FAM200C: variants seen among roughly 807,000 people sequenced by gnomAD.
the FAM200C span, among the ~76,000 whole-genome samples, chr5:160,396,999 G>T: frequency 2.6e-5 from 4 of 152,178 alleles, no homozygotes; most frequent in Non-Finnish European, 5.9e-5. Context: ...AATCTGTATT[G>T]TAAGTATTTT....
At chr5:160,394,737 T>C in the FAM200C span, 2 of 1,614,140 alleles carry the variant, frequency 1.2e-6, no homozygotes, top group Non-Finnish European at 1.7e-6. Context: ...AACTCGGAAT[T>C]TTCTCCTAGC....
At chr5:160,400,005 T>C in the FAM200C span, 2 of 152,226 alleles carry the variant, frequency 1.3e-5, no homozygotes, top group South Asian at 2.1e-4. Flanking sequence ...GAGAGAAGCA[T>C]CCGCAACAAC....
At chr5:160,394,652 A>G in the FAM200C span, 1 of 1,614,152 alleles carries the variant, frequency 6.2e-7, no homozygotes, top group South Asian at 1.1e-5. Context: ...CAATGTCTTT[A>G]TGACAAGTGC....
the FAM200C span, chr5:160,394,590 T>C: frequency 1.2e-6 from 2 of 1,614,190 alleles, no homozygotes; most frequent in Non-Finnish European, 1.7e-6. Flanking sequence ...CTCCCTTTGA[T>C]GAAATTTATT....
the FAM200C span, chr5:160,399,624 GA>G: frequency 1.3e-5 from 2 of 152,162 alleles, no homozygotes; most frequent in African/African-American, 4.8e-5. Flanking sequence ...CTCCAGAGGG[GA>G]TAACAGTACC....
chr5:160,399,772 G>C, the FAM200C span: 1 of 126,022 alleles, frequency 7.9e-6, no homozygotes, highest in Non-Finnish European at 1.7e-5. Context: ...AAGAACGCCA[G>C]CTGCTAGGAA....
the FAM200C span, chr5:160,394,648 C>T: frequency 6.2e-7 from 1 of 1,614,024 alleles, no homozygotes; most frequent in Non-Finnish European, 8.5e-7. Flanking sequence ...TAGGCAATGT[C>T]TTTATGACAA....
the FAM200C span, among the ~76,000 whole-genome samples, chr5:160,399,088 T>A: frequency 6.6e-6 from 1 of 152,210 alleles, no homozygotes; most frequent in African/African-American, 2.4e-5. Flanking sequence ...ATTACACCGT[T>A]CTATTTTAAT....
chr5:160,394,896 C>G, the FAM200C span: 279 of 1,612,676 alleles, frequency 1.7e-4, no homozygotes, highest in Non-Finnish European at 2.1e-4. Flanking sequence ...TCTACGATCT[C>G]TCTTTCTTTT....
At chr5:160,393,543 T>G in the FAM200C span, 1 of 631,698 alleles carries the variant, frequency 1.6e-6, no homozygotes. Flanking sequence ...TCTGCTGTGT[T>G]TTTATTCTCA....
chr5:160,395,214 GTAA>G, the FAM200C span: 1 of 1,613,738 alleles, frequency 6.2e-7, no homozygotes, highest in Non-Finnish European at 8.5e-7. Flanking sequence ...TACGATGCTT[GTAA>G]TAAAGTATCC....
the FAM200C span, chr5:160,393,625 T>TA: frequency 4.8e-6 from 5 of 1,051,756 alleles, no homozygotes; most frequent in Non-Finnish European, 6.9e-6. Flanking sequence ...CAGTATATCA[T>TA]AAATATGAAA....
At chr5:160,394,368 C>A in the FAM200C span, 1 of 1,613,652 alleles carries the variant, frequency 6.2e-7, no homozygotes, top group Admixed American at 1.7e-5. Flanking sequence ...GCAAGGTATG[C>A]TAGGTGAATT....
chr5:160,394,383 A>G, the FAM200C span: 4 of 1,613,508 alleles, frequency 2.5e-6, no homozygotes, highest in Non-Finnish European at 2.5e-6. Context: ...TGAATTTTAA[A>G]CTCTTTATTT....
chr5:160,396,277 G>A, the FAM200C span, among the ~76,000 whole-genome samples: 69 of 152,164 alleles, frequency 4.5e-4, no homozygotes, highest in African/African-American at 1.6e-3. Context: ...AGACTAAACA[G>A]GTCTGTAATA....
the FAM200C span, among the ~76,000 whole-genome samples, chr5:160,399,209 A>G: frequency 6.6e-6 from 1 of 152,258 alleles, no homozygotes; most frequent in South Asian, 2.1e-4. Context: ...GCTTAATGAA[A>G]GATCTGATAT....
At chr5:160,399,857 G>A in the FAM200C span, 2 of 152,122 alleles carry the variant, frequency 1.3e-5, no homozygotes, top group African/African-American at 2.4e-5. Flanking sequence ...GGGATGCACG[G>A]GCTTCTTTTA....
the FAM200C span, among the ~76,000 whole-genome samples, chr5:160,396,755 CTTG>C: frequency 1.4e-5 from 2 of 147,060 alleles, no homozygotes; most frequent in Non-Finnish European, 3.0e-5. Context: ...CACAACTATT[CTTG>C]TTACCGAGAC....
At chr5:160,396,102 A>C in the FAM200C span, among the ~76,000 whole-genome samples, 8 of 152,098 alleles carry the variant, frequency 5.3e-5, no homozygotes, top group Non-Finnish European at 1.0e-4. Flanking sequence ...CACCCAAATA[A>C]CATACATTGT....
Sources: gnomAD v4.1 joint callset for allele counts (sites outside exome capture counted in the v4.1 genomes callset) on GRCh38, gnomAD v4.1.1 for gene constraint, MANE v1.5 for transcripts.